Variants in ARMC1 observed in about 807,000 individuals in gnomAD.
ARMC1 encodes armadillo repeat-containing protein 1.
A neutral mutation model predicts 31.4 loss-of-function variants in ARMC1; 16 were observed. That is an observed-to-expected ratio of 0.51 (90% CI 0.34 to 0.77). ARMC1 has a LOEUF of 0.77. Among genes scored for constraint, ARMC1 ranks in the 30% least tolerant of loss-of-function variants. The pLI, the probability that ARMC1 is intolerant of heterozygous loss-of-function variation, is 0.01. For missense variants in ARMC1, 259 were observed against 347.5 expected (o/e 0.75, Z 2.02); for synonymous variants, 114 against 118.9 (o/e 0.96, Z 0.27).
chr8:65,619,524 G>A (rs552955043), intron 3 of ARMC1, among the ~76,000 whole-genome samples: 3 of 151,724 alleles, frequency 2.0e-5, no homozygotes, highest in African/African-American at 4.9e-5. Context: ...GGGTGAGAGT[G>A]AGACTTTGTC....
chr8:65,626,087 C>T (rs1353445371), intron 2 of ARMC1, among the ~76,000 whole-genome samples: 1 of 152,048 alleles, frequency 6.6e-6, no homozygotes, highest in African/African-American at 2.4e-5. Flanking sequence ...GACAGGGTTT[C>T]ACTACGTTGG....
At chr8:65,609,645 G>A (rs113065186) in intron 4 of ARMC1, among the ~76,000 whole-genome samples, 1 of 152,094 alleles carries the variant, frequency 6.6e-6, no homozygotes, top group African/African-American at 2.4e-5. Context: ...GGATCACAAG[G>A]TCAGGAGTTC....
At chr8:65,616,496 C>T (rs1171381622) in intron 3 of ARMC1, among the ~76,000 whole-genome samples, 4 of 152,210 alleles carry the variant, frequency 2.6e-5, no homozygotes, top group Admixed American at 2.6e-4. Context: ...CCTCCACCTC[C>T]CAGCCGCCTG....
rs771008579 is a variant in ARMC1, at chr8:65,622,312, T to A, written c.226A>T (p.Met76Leu). 3.8e-5 allele frequency: 61 copies of A among 1,614,170 alleles called. No homozygotes were observed. In the South Asian group the frequency reaches 6.4e-4, roughly 17 times the overall value. Residue 76 changes from methionine to leucine, a missense_variant, in exon 3 of 7, where the codon ATG (methionine) becomes TTG (leucine). Coordinates refer to ENST00000276569, the MANE Select transcript of ARMC1 (RefSeq NM_018120.6). ...AACATCATACCCAGTTCTCCTTTCA[T>A]CTTTTCTCTGTTTGCACGGCATTCT... Reference protein sequence around the residue: ...LAECRANREKMKGELGMMLSL... With the variant: ...LAECRANREKLKGELGMMLSL...
At chr8:65,607,316 T>C (rs902381379) in intron 4 of ARMC1, among the ~76,000 whole-genome samples, 12 of 152,196 alleles carry the variant, frequency 7.9e-5, no homozygotes, top group Admixed American at 7.9e-4. Context: ...CAGGTAAACT[T>C]GAAAGTGAAG....
chr8:65,611,680 A>G (rs912363258), intron 4 of ARMC1, among the ~76,000 whole-genome samples: 1 of 152,082 alleles, frequency 6.6e-6, no homozygotes, highest in Non-Finnish European at 1.5e-5. Flanking sequence ...GGAGCTAATG[A>G]ATTTCCACTT....
At chr8:65,604,877 C>G (rs1807969510) in intron 6 of ARMC1, among the ~76,000 whole-genome samples, 1 of 152,142 alleles carries the variant, frequency 6.6e-6, no homozygotes, top group Admixed American at 6.5e-5. Context: ...AGATGGGAAC[C>G]CAAATGAGCT....
chr8:65,616,596 C>T (rs1440122229), intron 3 of ARMC1, among the ~76,000 whole-genome samples: 2 of 150,948 alleles, frequency 1.3e-5, no homozygotes, highest in African/African-American at 2.4e-5. Context: ...GGCCGCCCAT[C>T]GTCTGGGATG....
intron 2 of ARMC1, 148 bp from the exon 3 acceptor site, chr8:65,622,502 T>C: frequency 3.2e-6 from 2 of 620,154 alleles, no homozygotes; most frequent in Non-Finnish European, 5.6e-6. Context: ...TTCAGAATTA[T>C]TCCCTAGGGA....
rs1447774328 is a variant in ARMC1 at position 65,602,790 on chromosome 8, G to T, written c.*1604C>A. 6.6e-6 allele frequency: 1 copy of T among 150,992 alleles called. No homozygotes were observed. Among genetic ancestry groups the T allele is most frequent in the Non-Finnish European group, 1.5e-5 (1 of 67,798 alleles). 9.4% of individuals were successfully genotyped at this position (150,992 alleles called of 1,614,324 possible). On this transcript the variant is annotated 3_prime_UTR_variant, in exon 7 of 7. Coordinates refer to ENST00000276569, the MANE Select transcript of ARMC1 (RefSeq NM_018120.6). ...GGCAGCAAGTTATATTATGCATTTA[G>T]AGCAATAGGTGCCCTGAAAGTTATT...
intron 4 of ARMC1, among the ~76,000 whole-genome samples, chr8:65,606,271 GA>G (rs1807999320): frequency 6.6e-6 from 1 of 151,522 alleles, no homozygotes; most frequent in Non-Finnish European, 1.5e-5. Flanking sequence ...TGAGGCAGGA[GA>G]GTCACTTGAA....
At chr8:65,618,710 T>C (rs76641957) in intron 3 of ARMC1, among the ~76,000 whole-genome samples, 8,269 of 152,050 alleles carry the variant, frequency 0.054, 290 homozygotes, top group Non-Finnish European at 0.082. Flanking sequence ...AGAACTATGA[T>C]GTCAAGAAAC....
At chr8:65,608,145 T>C (rs1381566526) in intron 4 of ARMC1, among the ~76,000 whole-genome samples, 1 of 152,232 alleles carries the variant, frequency 6.6e-6, no homozygotes, top group Non-Finnish European at 1.5e-5. Flanking sequence ...ACTGATATTA[T>C]ACTAAAATAT....
intron 4 of ARMC1, among the ~76,000 whole-genome samples, chr8:65,606,758 C>A (rs764368834): frequency 6.6e-6 from 1 of 152,184 alleles, no homozygotes; most frequent in Non-Finnish European, 1.5e-5. Flanking sequence ...TGCTTCAAAC[C>A]TCAGAAGACT....
At chr8:65,613,808 A>T (rs1176006889) in intron 3 of ARMC1, among the ~76,000 whole-genome samples, 3 of 152,088 alleles carry the variant, frequency 2.0e-5, no homozygotes, top group African/African-American at 7.2e-5. Flanking sequence ...TAAAATACAA[A>T]AATTAGCTGG....
At position 65,627,110 on chromosome 8, in the gene ARMC1, A is replaced by T. The variant is rs1808527015; in HGVS notation, c.183+106T>A. On this transcript the variant is annotated intron_variant, in intron 2 of 6. Transcript: ENST00000276569. Reference sequence around the variant, plus strand: ...TGTACCTACATAAATACAAACAACTAATTGCTCTCTTTCCGTTTTTTTACC... The same window carrying T: ...TGTACCTACATAAATACAAACAACTTATTGCTCTCTTTCCGTTTTTTTACC... 4 of 1,033,820 alleles carry T rather than the reference A, an allele frequency of 3.9e-6. No individual in the cohort carries two copies. The South Asian group carries it at 6.7e-5, about 17-fold the overall frequency. 64.0% of individuals were successfully genotyped at this position (1,033,820 alleles called of 1,614,324 possible). A position where few individuals can be genotyped will look rare whatever the true frequency, so the allele number is the denominator to read the frequency against.
chr8:65,627,077 CATAT>C, intron 2 of ARMC1, 135 bp downstream of exon 2: 3 of 685,594 alleles, frequency 4.4e-6, no homozygotes, highest in Non-Finnish European at 7.3e-6. Flanking sequence ...ACCACACATA[CATAT>C]GTTTGTACCT....
At chr8:65,625,944 A>G (rs2129043915) in intron 2 of ARMC1, among the ~76,000 whole-genome samples, 1 of 149,286 alleles carries the variant, frequency 6.7e-6, no homozygotes, top group African/African-American at 2.5e-5. Context: ...GCTCGAGTGC[A>G]ATGGCACAAT....
chr8:65,605,272 A>C lies in ARMC1; in HGVS notation c.648T>G (p.Ser216Arg), dbSNP rs1373099131. The C allele has an allele frequency of 1.2e-6, 2 of 1,612,996 alleles. No homozygotes were observed. Among genetic ancestry groups the C allele is most frequent in the Admixed American group, 1.7e-5 (1 of 59,750 alleles). ...TAAACACAACTTTTACCTCTTCTCC[A>C]CTTTCACTTTTCACAACTTGCTGAG... Reference protein sequence around the residue: ...MKAQQVVKSESGEEMLVPFQD... With the variant: ...MKAQQVVKSERGEEMLVPFQD... The change falls in exon 6 of 7, where the codon AGT (serine) becomes AGG (arginine). Residue 216 changes from serine to arginine, a missense_variant. Ser to Arg is a moderately radical substitution (Grantham distance 110). Coordinates refer to ENST00000276569, the MANE Select transcript of ARMC1 (RefSeq NM_018120.6).
Sources: allele counts gnomAD v4.1 joint callset (sites outside exome capture counted in the v4.1 genomes callset), GRCh38; gene constraint gnomAD v4.1.1; transcripts MANE v1.5; gene names NCBI Gene and HGNC (gene_info 2026-07-23, HGNC 2026-07-21).